Variants in NAALADL2 observed in about 807,000 individuals in gnomAD.
NAALADL2 encodes the protein N-acetylated alpha-linked acidic dipeptidase like 2, also known as inactive N-acetylated-alpha-linked acidic dipeptidase-like protein 2.
In NAALADL2, 76 loss-of-function variants were observed where a neutral mutation model predicts 87.2. The observed-to-expected ratio is 0.87, with a 90% CI of 0.72 to 1.05. NAALADL2 has a LOEUF of 1.05. NAALADL2 is among the 50% of genes least tolerant of loss of function. The pLI, the probability that NAALADL2 is intolerant of heterozygous loss-of-function variation, is 0.00. For synonymous variants in NAALADL2, 354 were observed against 331.0 expected, an observed-to-expected ratio of 1.07 and a Z score of -0.75; for missense variants, 1,089 against 945.8, an observed-to-expected ratio of 1.15 and a Z score of -1.99.
rs144767491 is a variant in NAALADL2 at position 175,209,277 on chromosome 3, G to C, written c.546-24654G>C. Among the ~76,000 whole-genome samples the C allele has an allele frequency of 1.6e-3, 242 of 152,014 alleles. 1 individual carries two copies. Among genetic ancestry groups the C allele is most frequent in the African/African-American group, 5.6e-3 (231 of 41,494 alleles). ...ATAAAAGATATTGCTGAAGATAAAA[G>C]CAGAAAAAAAAGCATTTAGTTCAGT... On this transcript the variant is annotated intron_variant, in intron 2 of 13. Coordinates refer to ENST00000454872, the MANE Select transcript of NAALADL2 (RefSeq NM_207015.3).
chr3:174,906,216 G>A (rs934297417), intron 1 of NAALADL2, among the ~76,000 whole-genome samples: 9 of 151,958 alleles, frequency 5.9e-5, no homozygotes, highest in African/African-American at 2.2e-4. Context: ...TTGAAATAAT[G>A]AATCTTTTTA....
At chr3:174,902,515 A>G (rs1403290920) in intron 1 of NAALADL2, among the ~76,000 whole-genome samples, 3 of 152,046 alleles carry the variant, frequency 2.0e-5, no homozygotes, top group Non-Finnish European at 2.9e-5. Flanking sequence ...CAAAAAGACA[A>G]TCGCGTGATT....
At chr3:174,705,995 C>A (rs1730033078) in intron 2 of NAALADL2, among the ~76,000 whole-genome samples, 1 of 152,148 alleles carries the variant, frequency 6.6e-6, no homozygotes, top group Non-Finnish European at 1.5e-5. Flanking sequence ...TAATCCCCAT[C>A]TCCACTTTTA....
intron 12 of NAALADL2, among the ~76,000 whole-genome samples, chr3:175,748,612 C>T (rs1232246020): frequency 6.6e-6 from 1 of 152,110 alleles, no homozygotes. Context: ...AAAAAGCTTA[C>T]ATTTGTTTGA....
chr3:174,498,964 A>C (rs921915509), intron 1 of NAALADL2, among the ~76,000 whole-genome samples: 1 of 152,134 alleles, frequency 6.6e-6, no homozygotes, highest in Non-Finnish European at 1.5e-5. Flanking sequence ...AGTCCAGAAC[A>C]GTAAGTTATT....
chr3:175,079,509 G>C (rs190488989), intron 1 of NAALADL2: 1 of 152,210 alleles, frequency 6.6e-6, no homozygotes, highest in East Asian at 1.9e-4. Context: ...TGTTGAAAAA[G>C]TATGCTAGGT....
intron 4 of NAALADL2, among the ~76,000 whole-genome samples, chr3:175,317,892 T>A (rs1418638504): frequency 1.3e-5 from 2 of 152,148 alleles, no homozygotes; most frequent in African/African-American, 4.8e-5. Flanking sequence ...GGAAAATAGC[T>A]TATCAAAAAT....
Position 175,201,550 on chromosome 3 carries a change from A to T in NAALADL2, c.546-32381A>T, listed in dbSNP as rs142462654. On this transcript the variant is annotated intron_variant, in intron 2 of 13. Transcript: ENST00000454872. ...ATATGAAAAACAATAAGACATTATA[A>T]CTAGGTTTGACAGTAAAAACAAATC... Among the ~76,000 whole-genome samples, 83 of 152,320 alleles carry T rather than the reference A, an allele frequency of 5.4e-4. No individual in the cohort carries two copies. In the East Asian group the frequency reaches 7.9e-3, roughly 15 times the overall value.
chr3:175,197,126 CT>C (rs1238014555), intron 2 of NAALADL2, among the ~76,000 whole-genome samples: 1 of 151,868 alleles, frequency 6.6e-6, no homozygotes, highest in African/African-American at 2.4e-5. Flanking sequence ...ACTTAAGGCC[CT>C]CTGCAATAGC....
At chr3:175,185,635 A>G (rs1292297327) in intron 2 of NAALADL2, among the ~76,000 whole-genome samples, 1 of 151,718 alleles carries the variant, frequency 6.6e-6, no homozygotes, top group Non-Finnish European at 1.5e-5. Flanking sequence ...AATAGTGGTT[A>G]TCTTTGATGT....
chr3:174,829,721 C>G (rs1413466259), intron 3 of NAALADL2, among the ~76,000 whole-genome samples: 1,754 of 142,610 alleles, frequency 0.012, 47 homozygotes, highest in African/African-American at 0.046. Flanking sequence ...AACTAGTTTA[C>G]AGTCCCACCA....
intron 1 of NAALADL2, among the ~76,000 whole-genome samples, chr3:174,546,103 C>G (rs561571495): frequency 4.6e-4 from 70 of 151,692 alleles, no homozygotes; most frequent in African/African-American, 1.6e-3. Context: ...TATATGCTAC[C>G]TGTTAGGTAG....
chr3:175,160,878 T>A (rs954003043), intron 2 of NAALADL2, among the ~76,000 whole-genome samples: 1 of 152,144 alleles, frequency 6.6e-6, no homozygotes, highest in Non-Finnish European at 1.5e-5. Context: ...CAGGAGTAAT[T>A]CATGAAATTA....
At chr3:175,307,279 G>C (rs1357932062) in intron 4 of NAALADL2, among the ~76,000 whole-genome samples, 12 of 151,820 alleles carry the variant, frequency 7.9e-5, no homozygotes, top group Non-Finnish European at 2.9e-5. Flanking sequence ...GAATAAAAAA[G>C]GACTTTGGAA....
intron 1 of NAALADL2, among the ~76,000 whole-genome samples, chr3:174,942,954 G>A (rs1056070414): frequency 6.6e-6 from 1 of 152,244 alleles, no homozygotes; most frequent in Admixed American, 6.5e-5. Context: ...GTGATTCTGA[G>A]TTTCTTTGGA....
intron 2 of NAALADL2, among the ~76,000 whole-genome samples, chr3:174,707,563 G>A (rs558354725): frequency 2.9e-4 from 43 of 149,622 alleles, no homozygotes; most frequent in African/African-American, 6.9e-4. Context: ...ACCAAACACC[G>A]CATGTTCTCA....
At chr3:174,711,446 C>G (rs1341005988) in intron 2 of NAALADL2, among the ~76,000 whole-genome samples, 1 of 152,202 alleles carries the variant, frequency 6.6e-6, no homozygotes, top group African/African-American at 2.4e-5. Context: ...CTTACACTTC[C>G]ACATATAGTT....
At chr3:174,613,109 C>T (rs1398860455) in intron 2 of NAALADL2, among the ~76,000 whole-genome samples, 1 of 152,198 alleles carries the variant, frequency 6.6e-6, no homozygotes, top group Non-Finnish European at 1.5e-5. Flanking sequence ...GCAGAGACTC[C>T]TATTTTCTTC....
intron 2 of NAALADL2, among the ~76,000 whole-genome samples, chr3:174,620,079 C>G (rs945189892): frequency 1.3e-5 from 2 of 151,870 alleles, no homozygotes; most frequent in Non-Finnish European, 2.9e-5. Flanking sequence ...ACAAAGTACC[C>G]CGATCCACAG....
Sources: allele counts gnomAD v4.1 joint callset (sites outside exome capture counted in the v4.1 genomes callset), GRCh38; gene constraint gnomAD v4.1.1; transcripts MANE v1.5; gene names NCBI Gene and HGNC (gene_info 2026-07-23, HGNC 2026-07-21).